The following TYRP1 variants were observed in gnomAD, a reference collection of about 807,000 sequenced individuals.
TYRP1 encodes tyrosinase related protein 1.
TYRP1 carries 49 observed loss-of-function variants against 42.8 expected under a neutral mutation model. That is an observed-to-expected ratio of 1.14 (90% CI 0.91 to 1.45). TYRP1 has a LOEUF of 1.45. Ranked by LOEUF, TYRP1 falls within the 40% of genes most tolerant of loss-of-function variation. The pLI is 0.00. For missense variants in TYRP1, 848 were observed against 662.0 expected (o/e 1.28, Z -3.08); for synonymous variants, 279 against 235.4 (o/e 1.19, Z -1.69).
intron 6 of TYRP1, among the ~76,000 whole-genome samples, chr9:12,705,337 G>A (rs546846512): frequency 6.8e-4 from 103 of 152,042 alleles, no homozygotes; most frequent in African/African-American, 2.5e-3. Flanking sequence ...TTAAAACATC[G>A]CAAATTTTCA....
In TYRP1 at chr9:12,694,103, T is replaced by C. The variant is rs1563851461; in HGVS notation, c.107T>C (p.Leu36Ser). Residue 36 changes from leucine (L) to serine (S), a missense_variant, in exon 2 of 8, where the codon TTG (leucine) becomes TCG (serine). Coordinates refer to ENST00000388918, the MANE Select transcript of TYRP1 (RefSeq NM_000550.3). ...FPRQCATVEA[L>S]RSGMCCPDLS... is the part of the protein sequence containing the mutation. ...AGACAGTGTGCCACTGTTGAGGCTT[T>C]GAGAAGTGGTATGTGTTGCCCAGAC... 6.2e-7 allele frequency: 1 copy of C among 1,614,006 alleles called. No homozygotes were observed. The highest frequency in any genetic ancestry group is 8.5e-7 in the Non-Finnish European group (1 of 1,179,946).
At chr9:12,706,937 C>T (rs763190926) in intron 6 of TYRP1, among the ~76,000 whole-genome samples, 8 of 151,904 alleles carry the variant, frequency 5.3e-5, no homozygotes, top group East Asian at 1.9e-4. Context: ...TGGAAAGGAA[C>T]AAAAATTACA....
At chr9:12,705,439 T>C (rs1345676683) in intron 6 of TYRP1, among the ~76,000 whole-genome samples, 2 of 152,082 alleles carry the variant, frequency 1.3e-5, no homozygotes, top group Admixed American at 6.6e-5. Context: ...TATTGATTTA[T>C]GTATCCATTA....
At position 12,704,523 on chromosome 9, in the gene TYRP1, T is replaced by G. The variant is rs1209288800; in HGVS notation, c.1082-3T>G. ...ACTATTCTCCTCCTTACCATGTGTC[T>G]AGGTTACAGTGACCCCACGGGAAAG... On this transcript the variant is annotated splice_polypyrimidine_tract_variant and splice_region_variant and intron_variant, in intron 5 of 7. Coordinates refer to ENST00000388918, the MANE Select transcript of TYRP1 (RefSeq NM_000550.3). 1 of 1,611,330 alleles carries G rather than the reference T, an allele frequency of 6.2e-7. No homozygotes were observed. Among genetic ancestry groups the G allele is most frequent in the Non-Finnish European group, 8.5e-7 (1 of 1,179,142 alleles).
chr9:12,704,561 G>C lies in TYRP1; in HGVS notation c.1117G>C (p.Val373Leu). 2.5e-6 allele frequency: 4 copies of C among 1,612,932 alleles called. No homozygotes were observed. Among genetic ancestry groups the C allele is most frequent in the East Asian group, 2.2e-5 (1 of 44,842 alleles). Residue 373 changes from valine (V) to leucine (L), a missense_variant, in exon 6 of 8, where the codon GTT (valine) becomes CTT (leucine). Physicochemically the swap from Val to Leu is conservative, Grantham distance 32. Coordinates refer to ENST00000388918, the MANE Select transcript of TYRP1 (RefSeq NM_000550.3). ...SDPTGKYDPAVRSLHNLAHLF... is the reference protein window; with the variant it reads ...SDPTGKYDPALRSLHNLAHLF... ...CCCCACGGGAAAGTATGACCCTGCT[G>C]TTCGAAGTCTTCACAATTTGGCTCA...
At chr9:12,702,049 T>G (rs1032000755) in intron 4 of TYRP1, among the ~76,000 whole-genome samples, 1 of 152,076 alleles carries the variant, frequency 6.6e-6, no homozygotes, top group Non-Finnish European at 1.5e-5. Flanking sequence ...TTTTTTTTCC[T>G]TCAGATACTT....
intron 6 of TYRP1, 51 bp from the exon 7 acceptor site, chr9:12,707,946 G>T (rs1026374742): frequency 2.0e-6 from 3 of 1,527,984 alleles, no homozygotes; most frequent in Admixed American, 3.6e-5. Context: ...ATAATGATAG[G>T]AATATTAATT....
chr9:12,697,330 C>A (rs1818094039), intron 3 of TYRP1, among the ~76,000 whole-genome samples: 1 of 152,100 alleles, frequency 6.6e-6, no homozygotes, highest in African/African-American at 2.4e-5. Context: ...GTTGAAATGC[C>A]ACATGAATAT....
chr9:12,707,206 G>T (rs10960756), intron 6 of TYRP1, among the ~76,000 whole-genome samples: 1 of 151,900 alleles, frequency 6.6e-6, no homozygotes, highest in African/African-American at 2.4e-5. Flanking sequence ...CAGTTTATAC[G>T]TTTCCAAGAG....
At chr9:12,698,818 A>T (rs1397693919) in intron 4 of TYRP1, among the ~76,000 whole-genome samples, 163 bp downstream of exon 4, 1 of 152,134 alleles carries the variant, frequency 6.6e-6, no homozygotes, top group African/African-American at 2.4e-5. Flanking sequence ...TAGAATGTTC[A>T]AGGTACTCTA....
rs1818335908 is a variant in TYRP1 at position 12,710,103 on chromosome 9, C to A, written c.*921C>A. The stretch of plus-strand genomic sequence containing the variant: ...ATTAACATATTATTTCATTGGTCTT[C>A]TTTTTTATCTGGTTCTATATGAATG... On this transcript the variant is annotated 3_prime_UTR_variant, in exon 8 of 8. Coordinates refer to ENST00000388918, the MANE Select transcript of TYRP1 (RefSeq NM_000550.3). 1 of 151,570 alleles carries A rather than the reference C, an allele frequency of 6.6e-6. No individual in the cohort carries two copies. 9.4% of individuals were successfully genotyped at this position (151,570 alleles called of 1,614,324 possible).
chr9:12,702,880 T>G (rs963516075), intron 5 of TYRP1, among the ~76,000 whole-genome samples: 1 of 152,092 alleles, frequency 6.6e-6, no homozygotes, highest in Non-Finnish European at 1.5e-5. Flanking sequence ...GCATATGTTT[T>G]ATTTAGGTCC....
intron 2 of TYRP1, 31 bp downstream of exon 2, chr9:12,694,412 C>G (rs371606722): frequency 2.5e-6 from 4 of 1,611,922 alleles, no homozygotes; most frequent in African/African-American, 1.3e-5. Context: ...GTTCATAAGT[C>G]CTGCATGAGA....
At chr9:12,693,855 A>T in intron 1 of TYRP1, 57 bp from the exon 2 acceptor site, 1 of 1,127,472 alleles carries the variant, frequency 8.9e-7, no homozygotes, top group Non-Finnish European at 1.3e-6. Context: ...AAGGGGGCAT[A>T]CCATTTTAAG....
chr9:12,703,494 T>C (rs906682015), intron 5 of TYRP1, among the ~76,000 whole-genome samples: 1 of 151,956 alleles, frequency 6.6e-6, no homozygotes, highest in African/African-American at 2.4e-5. Context: ...AATGTACAGA[T>C]TGTGTCTTCT....
intron 3 of TYRP1, among the ~76,000 whole-genome samples, chr9:12,696,661 T>C (rs1014950264): frequency 1.3e-5 from 2 of 152,164 alleles, no homozygotes; most frequent in Non-Finnish European, 2.9e-5. Flanking sequence ...GCAGATAAGC[T>C]TCAAACATAT....
chr9:12,702,579 C>A, intron 5 of TYRP1, 141 bp downstream of exon 5: 2 of 878,838 alleles, frequency 2.3e-6, no homozygotes, highest in Non-Finnish European at 1.8e-6. Flanking sequence ...TATTATGATA[C>A]ACCTGCTTGA....
chr9:12,695,461 C>T, intron 2 of TYRP1, 54 bp from the exon 3 acceptor site: 2 of 1,537,838 alleles, frequency 1.3e-6, no homozygotes, highest in Admixed American at 3.3e-5. Context: ...TGCTCTTTCT[C>T]TACCCATCCC....
At chr9:12,695,208 C>A (rs745845381) in intron 2 of TYRP1, among the ~76,000 whole-genome samples, 4 of 151,794 alleles carry the variant, frequency 2.6e-5, no homozygotes, top group Non-Finnish European at 4.4e-5. Flanking sequence ...AAAATTCCAA[C>A]AAAAATGCCA....
Sources: gnomAD v4.1 joint callset for allele counts (sites outside exome capture counted in the v4.1 genomes callset) on GRCh38, gnomAD v4.1.1 for gene constraint, MANE v1.5 for transcripts, NCBI Gene and HGNC (gene_info 2026-07-23, HGNC 2026-07-21) for gene names.